FKTN: variants seen among roughly 807,000 people sequenced by gnomAD.
FKTN encodes ribitol-5-phosphate transferase FKTN.
FKTN carries 47 observed loss-of-function variants against 58.6 expected under a neutral mutation model. The ratio of observed to expected loss-of-function variants is 0.80; its 90% CI spans 0.63 to 1.02. The LOEUF is 1.02. FKTN is among the 50% of genes least tolerant of loss of function. The pLI is 0.00. For synonymous variants in FKTN, 178 were observed against 191.9 expected (o/e 0.93, Z 0.60); for missense variants, 516 against 537.3 (o/e 0.96, Z 0.39).
rs937261558 is a variant in FKTN, at chr9:105,640,782, G to A, written c.*5518G>A. On this transcript the variant is annotated 3_prime_UTR_variant, in exon 11 of 11. Coordinates refer to ENST00000357998, the MANE Select transcript of FKTN (RefSeq NM_001079802.2). Reference sequence around the variant, plus strand: ...TATTGGAAATGAAATATTGTTTCATGCACCTTTGAAAAAAATAACAGGATT... The same window carrying A: ...TATTGGAAATGAAATATTGTTTCATACACCTTTGAAAAAAATAACAGGATT... 6.6e-6 allele frequency: 1 copy of A among 151,956 alleles called. No individual in the cohort carries two copies. The highest frequency in any genetic ancestry group is 2.4e-5 in the African/African-American group (1 of 41,394). The allele number at this position is 151,956 out of a possible 1,614,324, so 9.4% of individuals were successfully genotyped here.
chr9:105,599,836 A>T (rs974343972), intron 4 of FKTN, among the ~76,000 whole-genome samples: 2 of 152,054 alleles, frequency 1.3e-5, no homozygotes, highest in African/African-American at 4.8e-5. Context: ...TCAGATAGGA[A>T]GTATTTTCTC....
intron 4 of FKTN, chr9:105,597,989 T>C (rs867278855): frequency 5.9e-6 from 2 of 341,624 alleles, no homozygotes; most frequent in South Asian, 2.5e-5. Flanking sequence ...TCAGAGAAAG[T>C]ACAGGTTCAC....
intron 10 of FKTN, among the ~76,000 whole-genome samples, chr9:105,630,368 T>G (rs1833263591): frequency 6.6e-6 from 1 of 152,086 alleles, no homozygotes; most frequent in Non-Finnish European, 1.5e-5. Context: ...AATACCAAAA[T>G]CAACTCAAAA....
Position 105,638,686 on chromosome 9 carries a change from ATT to A in FKTN, c.*3431_*3432del. On this transcript the variant is annotated 3_prime_UTR_variant, in exon 11 of 11. Coordinates refer to ENST00000357998, the MANE Select transcript of FKTN (RefSeq NM_001079802.2). Reference sequence around the variant, plus strand: ...CTGGAGTCACTTTGCAGTTTTCAAGATTTTTTTTTTATCTGCTTGGCTGGAAA... The same window carrying A: ...CTGGAGTCACTTTGCAGTTTTCAAGATTTTTTTTATCTGCTTGGCTGGAAA... The A allele has an allele frequency of 1.1e-6, 1 of 936,214 alleles. No homozygotes were observed. Among genetic ancestry groups the A allele is most frequent in the Non-Finnish European group, 1.3e-6 (1 of 786,422 alleles). The allele number at this position is 936,214 out of a possible 1,614,324, so 58.0% of individuals were successfully genotyped here.
intron 5 of FKTN, chr9:105,603,810 A>T (rs1828346138): frequency 3.7e-6 from 1 of 270,538 alleles, no homozygotes; most frequent in Non-Finnish European, 7.2e-6. Flanking sequence ...AGTAGCTGGG[A>T]CTACAGGTAC....
chr9:105,613,881 T>C (rs1054766594), intron 7 of FKTN, among the ~76,000 whole-genome samples: 1 of 152,218 alleles, frequency 6.6e-6, no homozygotes, highest in Non-Finnish European at 1.5e-5. Context: ...TAAATACATA[T>C]GTCTTCCTGG....
intron 10 of FKTN, 164 bp downstream of exon 10, chr9:105,620,225 TAAG>T: frequency 8.5e-6 from 5 of 586,086 alleles, no homozygotes; most frequent in Non-Finnish European, 1.5e-5. Context: ...GCCTGTGAAG[TAAG>T]AATACCTGTA....
chr9:105,620,123 A>T, intron 10 of FKTN, 62 bp downstream of exon 10: 1 of 1,439,988 alleles, frequency 6.9e-7, no homozygotes, highest in Admixed American at 1.7e-5. Flanking sequence ...GGAGGTAGAA[A>T]TAAAGAAGTA....
At chr9:105,565,576 A>ATCAAT (rs934538286) in intron 1 of FKTN, among the ~76,000 whole-genome samples, 1 of 151,970 alleles carries the variant, frequency 6.6e-6, no homozygotes, top group African/African-American at 2.4e-5. Context: ...TGGTAAAGGG[A>ATCAAT]TCAATTCAAC....
chr9:105,583,864 G>A (rs1843449532), intron 3 of FKTN, among the ~76,000 whole-genome samples: 1 of 152,020 alleles, frequency 6.6e-6, no homozygotes, highest in Non-Finnish European at 1.5e-5. Flanking sequence ...GTATGAATTA[G>A]ACATCTAACT....
At chr9:105,583,323 A>G (rs934662481) in intron 3 of FKTN, among the ~76,000 whole-genome samples, 3 of 152,106 alleles carry the variant, frequency 2.0e-5, no homozygotes, top group African/African-American at 7.2e-5. Flanking sequence ...AGACTTACTA[A>G]TTTTCCCAAT....
intron 3 of FKTN, among the ~76,000 whole-genome samples, chr9:105,593,711 G>GA (rs1491006425): frequency 6.6e-6 from 1 of 152,114 alleles, no homozygotes; most frequent in African/African-American, 2.4e-5. Flanking sequence ...GAGAAACAGA[G>GA]AAAAAACAGA....
chr9:105,606,331 T>G (rs1167309691), intron 6 of FKTN, among the ~76,000 whole-genome samples: 1 of 152,010 alleles, frequency 6.6e-6, no homozygotes, highest in Non-Finnish European at 1.5e-5. Flanking sequence ...TTTGGCTATC[T>G]CAATAATAAA....
chr9:105,628,782 A>G (rs1208993595), intron 10 of FKTN, among the ~76,000 whole-genome samples: 1 of 152,212 alleles, frequency 6.6e-6, no homozygotes, highest in East Asian at 1.9e-4. Context: ...TGAATTTCTA[A>G]AACATGATGC....
chr9:105,617,453 T>G (rs1831025434), intron 8 of FKTN, among the ~76,000 whole-genome samples: 1 of 152,080 alleles, frequency 6.6e-6, no homozygotes, highest in African/African-American at 2.4e-5. Flanking sequence ...TCAAGAAAAA[T>G]ATATTGGTTA....
In FKTN at chr9:105,575,134, A is replaced by C. The variant is rs138740640; in HGVS notation, c.102A>C (p.Thr34=). 59 of 1,526,528 alleles carry C rather than the reference A, an allele frequency of 3.9e-5. No homozygotes were observed. In the African/African-American group the frequency reaches 6.8e-4, roughly 18 times the overall value. 94.6% of individuals were successfully genotyped at this position (1,526,528 alleles called of 1,614,324 possible). The part of the protein sequence containing the change: ...QLYYYKHYLS[T]KNGAGLSKSK... The stretch of plus-strand genomic sequence containing the variant: ...ACTACTACAAGCACTATTTATCAAC[A>C]AAGGTAATTTTATTCCTTCTTTCTT... The change falls in exon 3 of 11, where the codon ACA becomes ACC. Residue 34 remains threonine, a synonymous_variant. Transcript: ENST00000357998.
intron 10 of FKTN, among the ~76,000 whole-genome samples, chr9:105,630,778 A>T (rs922907226): frequency 6.6e-6 from 1 of 152,208 alleles, no homozygotes; most frequent in African/African-American, 2.4e-5. Flanking sequence ...GATGACATTA[A>T]CATTTTTTGA....
rs75590794 is a variant in FKTN, at chr9:105,583,213, C to T, written c.105+8076C>T. Among the ~76,000 whole-genome samples, 1,384 of 152,332 alleles carry T rather than the reference C, an allele frequency of 9.1e-3. 22 individuals carry two copies. The highest frequency in any genetic ancestry group is 0.032 in the African/African-American group (1,326 of 41,564). ...ACATTTTTTGATGTGCTTGATTGAG[C>T]AGGCCCTATGCGAAGCACTTTACCA... On this transcript the variant is annotated intron_variant, in intron 3 of 10. Transcript: ENST00000357998.
chr9:105,581,645 G>T (rs1199811366), intron 3 of FKTN, among the ~76,000 whole-genome samples: 1 of 152,332 alleles, frequency 6.6e-6, no homozygotes, highest in South Asian at 2.1e-4. Context: ...GCCCCCAGAG[G>T]TGGAGCCTAC....
Sources: gnomAD v4.1 joint callset for allele counts (sites outside exome capture counted in the v4.1 genomes callset) on GRCh38, gnomAD v4.1.1 for gene constraint, MANE v1.5 for transcripts, NCBI Gene and HGNC (gene_info 2026-07-23, HGNC 2026-07-21) for gene names.